KCTD16: variants seen among roughly 807,000 people sequenced by gnomAD.
The protein encoded by KCTD16 is BTB/POZ domain-containing protein KCTD16.
Under a neutral mutation model 33.2 loss-of-function variants are expected in KCTD16, and 13 were observed. The observed-to-expected ratio is 0.39, with a 90% CI of 0.25 to 0.62. The LOEUF is 0.62. Among genes scored for constraint, KCTD16 ranks in the 20% least tolerant of loss-of-function variants. The pLI is 0.50. For missense variants in KCTD16, 441 were observed against 525.1 expected (o/e 0.84, Z 1.57); for synonymous variants, 197 against 195.3 (o/e 1.01, Z -0.07).
At chr5:144,367,919 T>C (rs538912180) in intron 3 of KCTD16, among the ~76,000 whole-genome samples, 1 of 151,542 alleles carries the variant, frequency 6.6e-6, no homozygotes, top group South Asian at 2.1e-4. Context: ...CAGTTTTCTG[T>C]TCTTGCCTTA....
At chr5:144,171,660 G>A (rs1752386903) in intron 1 of KCTD16, among the ~76,000 whole-genome samples, 1 of 152,114 alleles carries the variant, frequency 6.6e-6, no homozygotes, top group African/African-American at 2.4e-5. Context: ...GGCGGTGGGG[G>A]CAACATTAGC....
At chr5:144,397,006 G>A (rs867470241) in intron 3 of KCTD16, among the ~76,000 whole-genome samples, 2 of 150,732 alleles carry the variant, frequency 1.3e-5, no homozygotes, top group African/African-American at 2.4e-5. Flanking sequence ...CATGTGCCAT[G>A]TTTGTGTGCT....
intron 3 of KCTD16, among the ~76,000 whole-genome samples, chr5:144,309,009 AC>A (rs1399049686): frequency 1.3e-5 from 2 of 152,146 alleles, no homozygotes; most frequent in African/African-American, 4.8e-5. Flanking sequence ...CCAAAACCAC[AC>A]AGATTGTTAA....
At chr5:144,290,642 C>A (rs1755871438) in intron 3 of KCTD16, among the ~76,000 whole-genome samples, 1 of 152,136 alleles carries the variant, frequency 6.6e-6, no homozygotes, top group Admixed American at 6.5e-5. Flanking sequence ...CAATGATGTC[C>A]CTTATTGACA....
chr5:144,264,200 T>C (rs1755081339), intron 3 of KCTD16, among the ~76,000 whole-genome samples: 1 of 152,248 alleles, frequency 6.6e-6, no homozygotes, highest in African/African-American at 2.4e-5. Context: ...CTATTTACTT[T>C]TACAATCTTT....
At chr5:144,347,159 A>G (rs1456931056) in intron 3 of KCTD16, among the ~76,000 whole-genome samples, 2 of 152,234 alleles carry the variant, frequency 1.3e-5, no homozygotes, top group Non-Finnish European at 2.9e-5. Context: ...CTCTAGCCCC[A>G]TGTGGCCATT....
At chr5:144,338,397 T>C (rs1752542527) in intron 3 of KCTD16, among the ~76,000 whole-genome samples, 1 of 152,214 alleles carries the variant, frequency 6.6e-6, no homozygotes, top group Non-Finnish European at 1.5e-5. Context: ...GTCAAGTTTT[T>C]CGATCTTTCT....
At chr5:144,400,059 T>C (rs907283466) in intron 3 of KCTD16, among the ~76,000 whole-genome samples, 1 of 152,214 alleles carries the variant, frequency 6.6e-6, no homozygotes, top group Non-Finnish European at 1.5e-5. Context: ...CTAAATATAT[T>C]GATTATTTTT....
chr5:144,447,480 A>G (rs1753846111), intron 3 of KCTD16, among the ~76,000 whole-genome samples: 1 of 152,072 alleles, frequency 6.6e-6, no homozygotes, highest in African/African-American at 2.4e-5. Flanking sequence ...TGGGTGCAGG[A>G]AACCACCATC....
chr5:144,394,724 C>G (rs1352177057), intron 3 of KCTD16, among the ~76,000 whole-genome samples: 1 of 152,184 alleles, frequency 6.6e-6, no homozygotes, highest in Non-Finnish European at 1.5e-5. Context: ...GGCATTTTGC[C>G]TGCTTGCTCT....
intron 3 of KCTD16, among the ~76,000 whole-genome samples, chr5:144,439,961 AAC>A (rs998364908): frequency 4.6e-5 from 7 of 152,150 alleles, no homozygotes; most frequent in Admixed American, 2.0e-4. Context: ...AAAAAAAAAA[AAC>A]ATATTTAAAA....
rs549114085 is a variant in KCTD16, at chr5:144,385,344, G to A, written c.833-88316G>A. 7.2e-5 allele frequency: 11 copies of A among 152,222 alleles called. No homozygotes were observed. In the East Asian group the frequency reaches 2.1e-3, roughly 29 times the overall value. 9.4% of individuals were successfully genotyped at this position (152,222 alleles called of 1,614,324 possible). ...AAATATAACCAAGAACATGACATAT[G>A]CATTTGTTACTTGTATTTTTATATT... On this transcript the variant is annotated intron_variant, in intron 3 of 3. Coordinates refer to ENST00000512467, the MANE Select transcript of KCTD16 (RefSeq NM_020768.4).
intron 3 of KCTD16, among the ~76,000 whole-genome samples, chr5:144,406,508 A>G (rs1164537154): frequency 2.0e-5 from 3 of 152,242 alleles, no homozygotes; most frequent in Admixed American, 6.5e-5. Context: ...ATGTCCATAT[A>G]TAAGTGACAG....
intron 3 of KCTD16, among the ~76,000 whole-genome samples, chr5:144,435,719 C>A (rs2126972619): frequency 6.6e-6 from 1 of 152,152 alleles, no homozygotes; most frequent in South Asian, 2.1e-4. Flanking sequence ...GTAATAGTAT[C>A]AGACAATTTC....
chr5:144,375,500 A>G (rs1752069301), intron 3 of KCTD16, among the ~76,000 whole-genome samples: 1 of 152,118 alleles, frequency 6.6e-6, no homozygotes, highest in African/African-American at 2.4e-5. Context: ...CCCTCCTGTG[A>G]TCTGGGACAT....
At chr5:144,426,959 A>G (rs778928653) in intron 3 of KCTD16, among the ~76,000 whole-genome samples, 2 of 152,140 alleles carry the variant, frequency 1.3e-5, no homozygotes, top group Non-Finnish European at 2.9e-5. Context: ...AAACCATATT[A>G]CTTTTTCCAT....
chr5:144,216,331 T>C (rs1753561810), intron 3 of KCTD16, among the ~76,000 whole-genome samples: 1 of 152,180 alleles, frequency 6.6e-6, no homozygotes, highest in Admixed American at 6.5e-5. Context: ...TGGGAGTCTG[T>C]TACTGTGTGA....
At chr5:144,400,620 C>T (rs1483195197) in intron 3 of KCTD16, among the ~76,000 whole-genome samples, 1 of 152,136 alleles carries the variant, frequency 6.6e-6, no homozygotes, top group African/African-American at 2.4e-5. Flanking sequence ...GTGCCAGGCA[C>T]TGTTTTACAT....
intron 3 of KCTD16, among the ~76,000 whole-genome samples, chr5:144,241,062 T>C (rs1480971906): frequency 6.6e-6 from 1 of 152,104 alleles, no homozygotes; most frequent in African/African-American, 2.4e-5. Context: ...GCTACTACAA[T>C]GTAGAACAGG....
Sources: allele counts gnomAD v4.1 joint callset (sites outside exome capture counted in the v4.1 genomes callset), GRCh38; gene constraint gnomAD v4.1.1; transcripts MANE v1.5; gene names NCBI Gene and HGNC (gene_info 2026-07-23, HGNC 2026-07-21).